Variants in CCDC102B observed in about 807,000 individuals in gnomAD.
The protein encoded by CCDC102B is coiled-coil domain-containing protein 102B.
A neutral mutation model predicts 57.4 loss-of-function variants in CCDC102B; 75 were observed. That is an observed-to-expected ratio of 1.31 (90% confidence interval 1.08 to 1.58). The LOEUF is 1.58. Ranked by LOEUF, CCDC102B falls within the 40% of genes most tolerant of loss-of-function variation. The pLI is 0.00. For synonymous variants in CCDC102B, 206 were observed against 201.9 expected, an observed-to-expected ratio of 1.02 and a Z score of -0.17; for missense variants, 636 against 582.6, an observed-to-expected ratio of 1.09 and a Z score of -0.94.
intron 2 of CCDC102B, among the ~76,000 whole-genome samples, chr18:68,733,497 T>TATAAAAATATATATATAAA (rs2032982638): frequency 1.1e-5 from 1 of 91,164 alleles, no homozygotes; most frequent in Non-Finnish European, 2.1e-5. Context: ...TATATATATA[T>TATAAAAATATATATATAAA]ATATATATAT....
At chr18:68,823,189 G>A (rs2036764536) in intron 1 of CCDC102B, among the ~76,000 whole-genome samples, 1 of 152,104 alleles carries the variant, frequency 6.6e-6, no homozygotes, top group Admixed American at 6.5e-5. Flanking sequence ...GCCTCTAAAG[G>A]GTACATATAG....
intron 7 of CCDC102B, among the ~76,000 whole-genome samples, chr18:69,012,642 A>G (rs72959919): frequency 0.012 from 1,872 of 152,012 alleles, 26 homozygotes; most frequent in Middle Eastern, 0.02. Context: ...TTTTTTTTAC[A>G]TATACATCTT....
At chr18:69,044,138 A>G (rs967900690) in intron 7 of CCDC102B, among the ~76,000 whole-genome samples, 6 of 152,144 alleles carry the variant, frequency 3.9e-5, no homozygotes, top group Admixed American at 6.6e-5. Context: ...ATCTATCTCT[A>G]TAATTGAATG....
chr18:69,037,026 TATACACAC>T (rs1372657671), intron 7 of CCDC102B, among the ~76,000 whole-genome samples: 3 of 56,204 alleles, frequency 5.3e-5, no homozygotes, highest in African/African-American at 1.8e-4. Context: ...GGGGTGTATA[TATACACAC>T]ACACACACAC....
At chr18:69,052,391 A>G (rs1389833834) in intron 7 of CCDC102B, among the ~76,000 whole-genome samples, 1 of 151,954 alleles carries the variant, frequency 6.6e-6, no homozygotes, top group Non-Finnish European at 1.5e-5. Context: ...TTACCTTGAG[A>G]AATTTAGTAT....
chr18:69,046,820 C>T (rs1408718550), intron 7 of CCDC102B, among the ~76,000 whole-genome samples: 1 of 152,094 alleles, frequency 6.6e-6, no homozygotes, highest in African/African-American at 2.4e-5. Flanking sequence ...ATATGGCTAG[C>T]CAGTTATCCC....
At chr18:69,000,237 T>C (rs2051165224) in intron 6 of CCDC102B, among the ~76,000 whole-genome samples, 1 of 152,144 alleles carries the variant, frequency 6.6e-6, no homozygotes, top group South Asian at 2.1e-4. Flanking sequence ...GTTAGTTACT[T>C]TATCAGACAT....
intron 2 of CCDC102B, among the ~76,000 whole-genome samples, chr18:68,719,761 C>T (rs903261436): frequency 2.0e-5 from 3 of 152,162 alleles, no homozygotes; most frequent in Admixed American, 6.5e-5. Flanking sequence ...ATAACATTAA[C>T]CACACTGTTG....
chr18:68,974,156 A>T (rs1260854542), intron 6 of CCDC102B, among the ~76,000 whole-genome samples: 1 of 152,056 alleles, frequency 6.6e-6, no homozygotes, highest in African/African-American at 2.4e-5. Flanking sequence ...ATGCAGCAGT[A>T]TTGGGAGCCT....
chr18:68,857,965 G>A (rs896355634), intron 4 of CCDC102B, among the ~76,000 whole-genome samples: 1 of 152,126 alleles, frequency 6.6e-6, no homozygotes, highest in Non-Finnish European at 1.5e-5. Flanking sequence ...TATGATGAAT[G>A]CCTTCATGCT....
intron 6 of CCDC102B, among the ~76,000 whole-genome samples, chr18:68,901,742 G>A (rs550527378): frequency 1.3e-5 from 2 of 152,114 alleles, no homozygotes; most frequent in South Asian, 2.1e-4. Context: ...TTAATTTATT[G>A]GAGAGTAGCT....
intron 4 of CCDC102B, among the ~76,000 whole-genome samples, chr18:68,863,631 T>G (rs891542152): frequency 6.6e-6 from 1 of 151,970 alleles, no homozygotes; most frequent in East Asian, 1.9e-4. Context: ...TAAATTTACA[T>G]TCCCCCCAAC....
intron 7 of CCDC102B, among the ~76,000 whole-genome samples, chr18:69,052,495 T>TTA (rs2052732782): frequency 6.6e-6 from 1 of 151,886 alleles, no homozygotes; most frequent in Admixed American, 6.6e-5. Context: ...CTATCGTCTG[T>TTA]TATACACACA....
At chr18:69,053,955 G>A in intron 7 of CCDC102B, 75 bp from the exon 8 acceptor site, 2 of 1,161,012 alleles carry the variant, frequency 1.7e-6, no homozygotes, top group Non-Finnish European at 2.4e-6. Context: ...ATGATAAGAT[G>A]TTATTTACTA....
At chr18:68,804,506 A>G (rs1042347199) in intron 1 of CCDC102B, among the ~76,000 whole-genome samples, 3 of 152,162 alleles carry the variant, frequency 2.0e-5, no homozygotes, top group Non-Finnish European at 2.9e-5. Flanking sequence ...CTGAAGTCTC[A>G]GTGTTGGAGC....
At chr18:68,856,696 C>T (rs564566697) in intron 4 of CCDC102B, among the ~76,000 whole-genome samples, 109 of 151,960 alleles carry the variant, frequency 7.2e-4, no homozygotes, top group African/African-American at 2.4e-3. Context: ...GAATAATCTA[C>T]GAAGTTTAAA....
intron 2 of CCDC102B, among the ~76,000 whole-genome samples, chr18:68,732,781 AG>A (rs1156670666): frequency 6.6e-6 from 1 of 152,196 alleles, no homozygotes; most frequent in African/African-American, 2.4e-5. Flanking sequence ...AGGATACCAT[AG>A]TTCCCAGATC....
intron 2 of CCDC102B, among the ~76,000 whole-genome samples, chr18:68,748,332 C>T (rs967378258): frequency 6.6e-6 from 1 of 150,892 alleles, no homozygotes; most frequent in African/African-American, 2.4e-5. Flanking sequence ...ACTAGAGTTC[C>T]AGATACAATT....
intron 5 of CCDC102B, among the ~76,000 whole-genome samples, chr18:68,893,534 G>A (rs2040146857): frequency 6.6e-6 from 1 of 151,968 alleles, no homozygotes; most frequent in African/African-American, 2.4e-5. Flanking sequence ...AATACAGAAG[G>A]GCTTTTTCCT....
Sources: gnomAD v4.1 joint callset for allele counts (sites outside exome capture counted in the v4.1 genomes callset) on GRCh38, gnomAD v4.1.1 for gene constraint, MANE v1.5 for transcripts, NCBI Gene and HGNC (gene_info 2026-07-23, HGNC 2026-07-21) for gene names.